Variants in CNBD1 observed in about 807,000 individuals in gnomAD.
The protein encoded by CNBD1 is cyclic nucleotide binding domain containing 1, also known as cyclic nucleotide-binding domain-containing protein 1.
In CNBD1, 71 loss-of-function variants were observed where a neutral mutation model predicts 54.4. That is an observed-to-expected ratio of 1.30 (90% CI 1.08 to 1.59). The LOEUF is 1.59. CNBD1 is among the 40% of genes most tolerant of loss of function. CNBD1 has a pLI of 0.00. For synonymous variants in CNBD1, 182 were observed against 170.7 expected, an observed-to-expected ratio of 1.07 and a Z score of -0.51; for missense variants, 659 against 518.0, an observed-to-expected ratio of 1.27 and a Z score of -2.64.
chr8:87,225,290 A>C (rs1449415253), intron 5 of CNBD1, among the ~76,000 whole-genome samples: 1 of 148,088 alleles, frequency 6.8e-6, no homozygotes, highest in Non-Finnish European at 1.5e-5. Context: ...GTTGAATAGG[A>C]GTGGTGAGAG....
chr8:87,338,984 C>A (rs1196621291), intron 8 of CNBD1, among the ~76,000 whole-genome samples: 1 of 152,108 alleles, frequency 6.6e-6, no homozygotes, highest in African/African-American at 2.4e-5. Flanking sequence ...ACAGTTTTCT[C>A]TTCCTTTAGG....
At chr8:87,328,218 T>C (rs1809727879) in intron 8 of CNBD1, among the ~76,000 whole-genome samples, 1 of 152,122 alleles carries the variant, frequency 6.6e-6, no homozygotes, top group Non-Finnish European at 1.5e-5. Context: ...TCTAAAACCA[T>C]TTACTGAAGA....
chr8:86,970,120 A>G (rs1034404441), intron 4 of CNBD1, among the ~76,000 whole-genome samples: 4 of 152,102 alleles, frequency 2.6e-5, no homozygotes, highest in African/African-American at 9.7e-5. Flanking sequence ...CTTTGTTTCA[A>G]CTACAAACTC....
intron 2 of CNBD1, among the ~76,000 whole-genome samples, chr8:87,390,675 G>A (rs181500605): frequency 1.3e-5 from 2 of 152,024 alleles, no homozygotes; most frequent in African/African-American, 2.4e-5. Context: ...TTGTGGAAGT[G>A]AGTGTGATGA....
chr8:87,423,064 G>C (rs1228535736), intron 2 of CNBD1, among the ~76,000 whole-genome samples: 1 of 151,748 alleles, frequency 6.6e-6, no homozygotes, highest in Non-Finnish European at 1.5e-5. Context: ...CTCATGATTT[G>C]GCTCTCTGTT....
chr8:87,050,140 G>C (rs899220645), intron 4 of CNBD1, among the ~76,000 whole-genome samples: 5 of 152,160 alleles, frequency 3.3e-5, no homozygotes, highest in African/African-American at 1.2e-4. Flanking sequence ...TTTATAGGGT[G>C]ATACAAAGGG....
At chr8:87,321,164 C>A (rs1171067038) in intron 8 of CNBD1, among the ~76,000 whole-genome samples, 1 of 59,642 alleles carries the variant, frequency 1.7e-5, no homozygotes, top group Non-Finnish European at 4.2e-5. Context: ...TTTTTGAGAT[C>A]CTGATTTCAA....
At chr8:87,319,924 A>T (rs926466507) in intron 8 of CNBD1, among the ~76,000 whole-genome samples, 1 of 152,048 alleles carries the variant, frequency 6.6e-6, no homozygotes, top group South Asian at 2.1e-4. Context: ...TGTTTTAACA[A>T]CAAAATTTTA....
intron 4 of CNBD1, among the ~76,000 whole-genome samples, chr8:87,193,818 TAAAG>T (rs1766936432): frequency 1.3e-5 from 2 of 152,288 alleles, no homozygotes; most frequent in East Asian, 1.9e-4. Flanking sequence ...AATAAATAAA[TAAAG>T]AGAATGTTCA....
chr8:87,065,067 A>G (rs904744211), intron 4 of CNBD1, among the ~76,000 whole-genome samples: 1 of 151,864 alleles, frequency 6.6e-6, no homozygotes, highest in African/African-American at 2.4e-5. Context: ...TGTTGCTTCA[A>G]TCTGTTTGGT....
rs116215415 is a variant in CNBD1 at position 87,087,288 on chromosome 8, T to G, written c.432-118705T>G. Among the ~76,000 whole-genome samples, 608 of 145,684 alleles carry G rather than the reference T, an allele frequency of 4.2e-3. 1 individual carries two copies. Among genetic ancestry groups the G allele is most frequent in the African/African-American group, 0.014 (539 of 39,308 alleles). On this transcript the variant is annotated intron_variant, in intron 4 of 10. Coordinates refer to ENST00000518476, the MANE Select transcript of CNBD1 (RefSeq NM_173538.3). ...ATATATATATACGTATATATATATA[T>G]ATATTTTTTATTGCCCAATACATAT...
chr8:87,137,203 A>G (rs1018152869), intron 4 of CNBD1, among the ~76,000 whole-genome samples: 1 of 142,436 alleles, frequency 7.0e-6, no homozygotes, highest in Non-Finnish European at 1.5e-5. Context: ...AATTATATAT[A>G]TATTATATTT....
chr8:86,915,062 C>T (rs1200920581), intron 3 of CNBD1, among the ~76,000 whole-genome samples: 1 of 152,114 alleles, frequency 6.6e-6, no homozygotes, highest in Non-Finnish European at 1.5e-5. Context: ...AAATCAGTTT[C>T]TCAGAGAATT....
chr8:87,051,115 C>A (rs1225816073), intron 4 of CNBD1, among the ~76,000 whole-genome samples: 1 of 152,150 alleles, frequency 6.6e-6, no homozygotes, highest in Non-Finnish European at 1.5e-5. Flanking sequence ...GTGAGACTTT[C>A]AGGCATAATT....
intron 6 of CNBD1, among the ~76,000 whole-genome samples, chr8:87,280,080 C>T (rs1808565719): frequency 6.6e-6 from 1 of 151,566 alleles, no homozygotes; most frequent in Non-Finnish European, 1.5e-5. Flanking sequence ...ATCCCTCAGA[C>T]AATGGAATGC....
intron 4 of CNBD1, among the ~76,000 whole-genome samples, chr8:87,011,100 T>G (rs1809210772): frequency 6.6e-6 from 1 of 151,998 alleles, no homozygotes; most frequent in African/African-American, 2.4e-5. Flanking sequence ...CTTTCTAGGG[T>G]CTTGCTCTGT....
intron 8 of CNBD1, among the ~76,000 whole-genome samples, chr8:87,289,653 C>T (rs140537596): frequency 6.6e-6 from 1 of 152,180 alleles, no homozygotes; most frequent in East Asian, 1.9e-4. Flanking sequence ...ATTACAGCAA[C>T]ATATTTAGTG....
chr8:87,117,832 T>G (rs1586268413), intron 4 of CNBD1, among the ~76,000 whole-genome samples: 1 of 152,122 alleles, frequency 6.6e-6, no homozygotes, highest in South Asian at 2.1e-4. Context: ...TTTGAAGTGT[T>G]TAAGTCAAAT....
intron 2 of CNBD1, among the ~76,000 whole-genome samples, chr8:87,399,708 C>A (rs1042915846): frequency 3.9e-5 from 6 of 151,946 alleles, no homozygotes; most frequent in Non-Finnish European, 7.4e-5. Context: ...GACCAGTGAA[C>A]CATCGTGTAT....
Sources: allele counts gnomAD v4.1 joint callset (sites outside exome capture counted in the v4.1 genomes callset), GRCh38; gene constraint gnomAD v4.1.1; transcripts MANE v1.5; gene names NCBI Gene and HGNC (gene_info 2026-07-23, HGNC 2026-07-21).